The following EDA variants were observed in gnomAD, a reference collection of about 807,000 sequenced individuals.
The protein encoded by EDA is ectodysplasin-A.
A neutral mutation model predicts 23.6 loss-of-function variants in EDA; 2 were observed. That is an observed-to-expected ratio of 0.08 (90% CI 0.03 to 0.27). The LOEUF is 0.27. EDA is among the 10% of genes least tolerant of loss of function. The pLI is 1.00. For missense variants in EDA, 229 were observed against 324.2 expected, an observed-to-expected ratio of 0.71 and a Z score of 2.26; for synonymous variants, 131 against 132.0, an observed-to-expected ratio of 0.99 and a Z score of 0.05.
intron 1 of EDA, among the ~76,000 whole-genome samples, chrX:69,850,535 A>G (rs768442985): frequency 1.3e-4 from 15 of 112,098 alleles, no homozygotes; most frequent in Non-Finnish European, 2.4e-4. Context: ...CTGTATTTCT[A>G]TCCTTACTAC....
intron 2 of EDA, among the ~76,000 whole-genome samples, chrX:69,968,576 A>G (rs770684668): frequency 5.4e-5 from 6 of 111,898 alleles, no homozygotes; most frequent in Non-Finnish European, 5.6e-5. Context: ...ATCCCAAATT[A>G]TCTTAGCATC....
intron 1 of EDA, among the ~76,000 whole-genome samples, chrX:69,775,873 G>A (rs920290163): frequency 4.5e-5 from 5 of 111,668 alleles, no homozygotes; most frequent in Admixed American, 1.9e-4. Flanking sequence ...CTAAATGGCA[G>A]CAATTTTTAA....
At chrX:69,696,117 T>A (rs1397725430) in intron 1 of EDA, among the ~76,000 whole-genome samples, 1 of 110,249 alleles carries the variant, frequency 9.1e-6, no homozygotes, top group Non-Finnish European at 1.9e-5. Context: ...CACATGCCTG[T>A]AATCCCAGCT....
At chrX:69,752,052 G>A (rs368090247) in intron 1 of EDA, among the ~76,000 whole-genome samples, 1 of 110,560 alleles carries the variant, frequency 9.0e-6, no homozygotes, top group African/African-American at 3.3e-5. Flanking sequence ...TCTTTTCCTA[G>A]TTGAATACCC....
At chrX:69,802,376 A>G (rs918639082) in intron 1 of EDA, among the ~76,000 whole-genome samples, 3 of 109,487 alleles carry the variant, frequency 2.7e-5, no homozygotes, top group African/African-American at 9.9e-5. Context: ...ATAAGTATAT[A>G]TAGAAATATA....
intron 1 of EDA, among the ~76,000 whole-genome samples, chrX:69,754,050 G>T (rs1296189747): frequency 9.0e-6 from 1 of 111,457 alleles, no homozygotes; most frequent in African/African-American, 3.3e-5. Context: ...CTTTTAATTG[G>T]AGCATTTATC....
chrX:69,998,196 G>A (rs962505080), intron 2 of EDA, among the ~76,000 whole-genome samples: 24 of 112,314 alleles, frequency 2.1e-4, no homozygotes, highest in Admixed American at 1.5e-3. Context: ...AAGCTGTACC[G>A]TGCAAAGCCA....
At chrX:69,766,039 G>A (rs889422663) in intron 1 of EDA, among the ~76,000 whole-genome samples, 1 of 111,822 alleles carries the variant, frequency 8.9e-6, no homozygotes, top group Non-Finnish European at 1.9e-5. Flanking sequence ...ATTTATCTAA[G>A]TTTTTGTCTG....
At chrX:69,819,642 TAAAATGCCTAGGAA>T (rs1170224046) in intron 1 of EDA, among the ~76,000 whole-genome samples, 15 of 111,044 alleles carry the variant, frequency 1.4e-4, no homozygotes, top group Non-Finnish European at 1.3e-4. Context: ...ACAAAAGGAA[TAAAATGCCTAGGAA>T]TATGGCTAAC....
chrX:69,940,509 A>AT (rs1488301086), intron 1 of EDA, among the ~76,000 whole-genome samples: 4 of 109,430 alleles, frequency 3.7e-5, no homozygotes, highest in Non-Finnish European at 5.8e-5. Context: ...AGGTTTGTTG[A>AT]TTTTTTTATC....
At chrX:69,836,419 A>T (rs761154544) in intron 1 of EDA, among the ~76,000 whole-genome samples, 1 of 112,004 alleles carries the variant, frequency 8.9e-6, no homozygotes, top group Admixed American at 9.4e-5. Context: ...CACTTTGTTT[A>T]CCTACTCAAG....
chrX:69,751,634 G>A (rs1195304546), intron 1 of EDA, among the ~76,000 whole-genome samples: 3 of 111,773 alleles, frequency 2.7e-5, no homozygotes, highest in African/African-American at 6.6e-5. Context: ...CCATTTTCAC[G>A]ATATTGATTC....
chrX:69,674,441 G>A (rs1181117344), intron 1 of EDA, among the ~76,000 whole-genome samples: 2 of 111,428 alleles, frequency 1.8e-5, no homozygotes, highest in African/African-American at 3.3e-5. Flanking sequence ...GTATTTTATT[G>A]TTTTAATAGA....
chrX:69,691,069 GA>G (rs776726975), intron 1 of EDA, among the ~76,000 whole-genome samples: 1 of 111,263 alleles, frequency 9.0e-6, no homozygotes, highest in African/African-American at 3.3e-5. Flanking sequence ...TATTTTCAAA[GA>G]AAAAAATCGC....
intron 1 of EDA, among the ~76,000 whole-genome samples, chrX:69,874,236 C>T (rs1185285219): frequency 2.7e-5 from 3 of 110,377 alleles, no homozygotes; most frequent in Non-Finnish European, 3.8e-5. Flanking sequence ...CACGTGAACC[C>T]GGGAGGCAGA....
In EDA at chrX:70,037,202, A is replaced by C. The variant is rs1268166154; in HGVS notation, c.*1593A>C. On this transcript the variant is annotated 3_prime_UTR_variant, in exon 8 of 8. Coordinates refer to ENST00000374552, the MANE Select transcript of EDA (RefSeq NM_001399.5). ...CAGGAGATGGGGAATAATTTCCTTC[A>C]GGCAGCTGAAATTCACCAAGAACAG... The C allele has an allele frequency of 8.9e-6, 1 of 112,404 alleles. No individual in the cohort carries two copies. Among genetic ancestry groups the C allele is most frequent in the Non-Finnish European group, 1.9e-5 (1 of 53,305 alleles). The allele number at this position is 112,404 out of a possible 1,213,427, so 9.3% of individuals were successfully genotyped here. A position where few individuals can be genotyped will look rare whatever the true frequency, so the allele number is the denominator to read the frequency against.
chrX:69,982,337 C>G (rs892594453), intron 2 of EDA, among the ~76,000 whole-genome samples: 1 of 111,220 alleles, frequency 9.0e-6, no homozygotes, highest in Non-Finnish European at 1.9e-5. Context: ...CATCTTTCCC[C>G]CCAAGAAACA....
intron 1 of EDA, among the ~76,000 whole-genome samples, chrX:69,646,460 T>C (rs1041520179): frequency 2.7e-5 from 3 of 111,917 alleles, no homozygotes; most frequent in Admixed American, 9.5e-5. Context: ...TTTTTGATCT[T>C]TGTTGATTTA....
chrX:69,783,819 A>G (rs12388477), intron 1 of EDA, among the ~76,000 whole-genome samples: 35,858 of 101,719 alleles, frequency 0.35, 6,820 homozygotes, highest in Middle Eastern at 0.59. Flanking sequence ...TAATGGGATG[A>G]CTGGGTCAAA....
Sources: gnomAD v4.1 joint callset for allele counts (sites outside exome capture counted in the v4.1 genomes callset) on GRCh38, gnomAD v4.1.1 for gene constraint, MANE v1.5 for transcripts, NCBI Gene and HGNC (gene_info 2026-07-23, HGNC 2026-07-21) for gene names.